RB1CC1: variants seen among roughly 807,000 people sequenced by gnomAD.
RB1CC1 encodes RB1-inducible coiled-coil protein 1.
RB1CC1 carries 46 observed loss-of-function variants against 177.5 expected under a neutral mutation model. The observed-to-expected ratio is 0.26, with a 90% confidence interval of 0.20 to 0.33. The LOEUF (loss-of-function observed/expected upper bound fraction) is 0.33, where lower values mean the gene tolerates loss of function less well. Among genes scored for constraint, RB1CC1 ranks in the 10% least tolerant of loss-of-function variants. The pLI is 1.00. For synonymous variants in RB1CC1, 666 were observed against 613.6 expected, an observed-to-expected ratio of 1.09 and a Z score of -1.26; for missense variants, 1,703 against 1,816.3, an observed-to-expected ratio of 0.94 and a Z score of 1.13.
At chr8:52,697,047 T>C (rs560050972) in intron 1 of RB1CC1, among the ~76,000 whole-genome samples, 9 of 152,156 alleles carry the variant, frequency 5.9e-5, no homozygotes, top group South Asian at 4.2e-4. Context: ...TTTCAGTCCA[T>C]TTATATGGAA....
intron 7 of RB1CC1, among the ~76,000 whole-genome samples, chr8:52,670,317 CAT>C (rs1240648523): frequency 2.6e-5 from 4 of 152,332 alleles, no homozygotes; most frequent in African/African-American, 9.6e-5. Context: ...TTTTAAATTA[CAT>C]ATATGTAAAC....
Position 52,656,241 on chromosome 8 carries a change from TTCA to T in RB1CC1, c.3585_3587del (p.Asp1195del). The T allele has an allele frequency of 1.2e-6, 2 of 1,613,340 alleles. No individual in the cohort carries two copies. Among genetic ancestry groups the T allele is most frequent in the Non-Finnish European group, 1.7e-6 (2 of 1,179,806 alleles). On this transcript the variant is annotated inframe_deletion, in exon 15 of 24. Transcript: ENST00000025008. ...ATTTCTCTTCTTGTTGGGTAATTTT[TTCA>T]TCTTTTTGTCTTTCAAGAGCACTCA...
chr8:52,696,066 C>T (rs1214217032), intron 1 of RB1CC1, among the ~76,000 whole-genome samples: 4 of 152,248 alleles, frequency 2.6e-5, no homozygotes, highest in East Asian at 1.9e-4. Flanking sequence ...GTTTTTCAGA[C>T]GGAGTCTTGC....
chr8:52,692,991 TTC>T (rs1855041075), intron 1 of RB1CC1, among the ~76,000 whole-genome samples: 1 of 152,164 alleles, frequency 6.6e-6, no homozygotes, highest in Non-Finnish European at 1.5e-5. Flanking sequence ...CCACCTGATC[TTC>T]CACAAACCTG....
chr8:52,659,417 C>T (rs1851403850), intron 12 of RB1CC1, among the ~76,000 whole-genome samples: 1 of 151,890 alleles, frequency 6.6e-6, no homozygotes, highest in African/African-American at 2.4e-5. Flanking sequence ...CTTGACTTTT[C>T]CATTACATTT....
intron 20 of RB1CC1, among the ~76,000 whole-genome samples, chr8:52,631,911 T>C (rs1324496982): frequency 1.3e-5 from 2 of 152,218 alleles, no homozygotes; most frequent in Non-Finnish European, 2.9e-5. Context: ...ACTACTACTC[T>C]GGTTAAACTG....
intron 8 of RB1CC1, among the ~76,000 whole-genome samples, chr8:52,665,349 C>T (rs924808624): frequency 2.0e-5 from 3 of 152,128 alleles, no homozygotes; most frequent in Non-Finnish European, 4.4e-5. Context: ...TTCTTACTTA[C>T]TGGAAGTGTT....
intron 20 of RB1CC1, among the ~76,000 whole-genome samples, chr8:52,631,058 C>T (rs1420672322): frequency 6.6e-6 from 1 of 152,106 alleles, no homozygotes; most frequent in Admixed American, 6.6e-5. Flanking sequence ...GGGGTTGGAC[C>T]ACACAATCTA....
rs532928303 is a variant in RB1CC1 at position 52,688,590 on chromosome 8, G to A, written c.-166-1623C>T. ...TTATCAAGGTAATACATGCATGGCT[G>A]AACATAGACCCTTATCAGTAGTTCT... On this transcript the variant is annotated intron_variant, in intron 1 of 23. Coordinates refer to ENST00000025008, the MANE Select transcript of RB1CC1 (RefSeq NM_014781.5). 6.6e-5 allele frequency among the ~76,000 whole-genome samples: 10 copies of A among 152,278 alleles called. No individual in the cohort carries two copies. The South Asian group carries it at 2.1e-3, about 32-fold the overall frequency.
Position 52,657,453 on chromosome 8 carries a change from A to C in RB1CC1, c.2376T>G (p.Thr792=). Residue 792 remains threonine, a synonymous_variant, in exon 15 of 24, where the codon ACT becomes ACG. Coordinates refer to ENST00000025008, the MANE Select transcript of RB1CC1 (RefSeq NM_014781.5). ...ATCTTTCCAACTGGACATTCAGAGA[A>C]GTATGATCTCCAAAATCCTCCTTAC... ...VCGKEDFGDH[T]SLNVQLERCR... 3 of 1,613,750 alleles carry C rather than the reference A, an allele frequency of 1.9e-6. No individual in the cohort carries two copies. The highest frequency in any genetic ancestry group is 2.5e-6 in the Non-Finnish European group (3 of 1,179,996).
At chr8:52,654,936 A>G (rs978347018) in intron 15 of RB1CC1, among the ~76,000 whole-genome samples, 20 of 152,144 alleles carry the variant, frequency 1.3e-4, no homozygotes, top group African/African-American at 4.8e-4. Context: ...CTGTATTCAG[A>G]ATTGAGCCTA....
chr8:52,648,343 T>C (rs924561134), intron 15 of RB1CC1, among the ~76,000 whole-genome samples: 5 of 152,210 alleles, frequency 3.3e-5, no homozygotes, highest in African/African-American at 1.2e-4. Context: ...CATTAGAAAA[T>C]GTTCCAAGTG....
chr8:52,664,014 C>A (rs1851850393), intron 8 of RB1CC1, among the ~76,000 whole-genome samples: 1 of 152,144 alleles, frequency 6.6e-6, no homozygotes, highest in African/African-American at 2.4e-5. Flanking sequence ...GAAAATGAAC[C>A]TGATGATGTG....
rs749270570 is a variant in RB1CC1 at position 52,629,088 on chromosome 8, T to G, written c.4500-920A>C. Among the ~76,000 whole-genome samples, 9 of 152,258 alleles carry G rather than the reference T, an allele frequency of 5.9e-5. No homozygotes were observed. The East Asian group carries it at 1.2e-3, about 20-fold the overall frequency. ...TGAAAGAACATTAATGAACGGCCCA[T>G]TGACATGACATACAGCTGGTAAAGA... On this transcript the variant is annotated intron_variant, in intron 21 of 23. Transcript: ENST00000025008.
At chr8:52,699,923 A>G (rs1855896786) in intron 1 of RB1CC1, among the ~76,000 whole-genome samples, 1 of 149,462 alleles carries the variant, frequency 6.7e-6, no homozygotes, top group Non-Finnish European at 1.5e-5. Context: ...ACAACAGGAT[A>G]AAAATGTCTG....
intron 19 of RB1CC1, among the ~76,000 whole-genome samples, chr8:52,635,674 T>TA (rs1849087922): frequency 6.6e-6 from 1 of 152,160 alleles, no homozygotes; most frequent in African/African-American, 2.4e-5. Context: ...AATAGATGTT[T>TA]AAAATTGCCA....
At chr8:52,624,491 T>C (rs753966583) in intron 23 of RB1CC1, among the ~76,000 whole-genome samples, 13 of 151,978 alleles carry the variant, frequency 8.6e-5, no homozygotes, top group Non-Finnish European at 1.3e-4. Context: ...GACTTCGTAG[T>C]AGTTTTCCAT....
In RB1CC1 at chr8:52,645,586, G is replaced by A. The variant is rs1021931401; in HGVS notation, c.3987+116C>T. On this transcript the variant is annotated intron_variant, in intron 16 of 23. Coordinates refer to ENST00000025008, the MANE Select transcript of RB1CC1 (RefSeq NM_014781.5). ...GAGGAAATTTATTAACAGGATCAAT[G>A]TAAGGAACATCACATCTAAGATATA... The A allele has an allele frequency of 4.8e-5, 52 of 1,092,344 alleles. No individual in the cohort carries two copies. The African/African-American group carries it at 7.7e-4, about 16-fold the overall frequency. The allele number at this position is 1,092,344 out of a possible 1,614,324, so 67.7% of individuals were successfully genotyped here.
intron 6 of RB1CC1, 68 bp from the exon 7 acceptor site, chr8:52,674,342 T>C: frequency 7.6e-7 from 1 of 1,317,748 alleles, no homozygotes; most frequent in Non-Finnish European, 1.1e-6. Context: ...CATGTTTGAA[T>C]GAAATCACAT....
Sources: gnomAD v4.1 joint callset for allele counts (sites outside exome capture counted in the v4.1 genomes callset) on GRCh38, gnomAD v4.1.1 for gene constraint, MANE v1.5 for transcripts, NCBI Gene and HGNC (gene_info 2026-07-23, HGNC 2026-07-21) for gene names.